Variants in PLS1 observed in about 807,000 individuals in gnomAD.
The protein encoded by PLS1 is plastin-1.
In PLS1, 32 loss-of-function variants were observed where a neutral mutation model predicts 73.7. The observed-to-expected ratio is 0.43, with a 90% CI of 0.33 to 0.58. PLS1 has a LOEUF of 0.58. PLS1 is among the 20% of genes least tolerant of loss of function. The pLI, the probability that PLS1 is intolerant of heterozygous loss-of-function variation, is 0.04. For synonymous variants in PLS1, 217 were observed against 261.3 expected (o/e 0.83, Z 1.63); for missense variants, 633 against 740.5 (o/e 0.85, Z 1.68).
Position 142,643,831 on chromosome 3 carries a change from T to TCA in PLS1, c.-36-20371_-36-20370insCA, listed in dbSNP as rs1439767230. 1.5e-3 allele frequency among the ~76,000 whole-genome samples: 224 copies of TCA among 148,296 alleles called. 2 individuals carry two copies. Among genetic ancestry groups the TCA allele is most frequent in the African/African-American group, 5.4e-3 (218 of 40,224 alleles). On this transcript the variant is annotated intron_variant, in intron 1 of 15. Coordinates refer to ENST00000457734, the MANE Select transcript of PLS1 (RefSeq NM_001145319.2). ...TTGTTAATTTCTTCATTTCATTTTTTTTTTTTTTTTTTTTTGAAATGGAGT... is the reference window on the plus strand; with the variant it reads ...TTGTTAATTTCTTCATTTCATTTTTTCATTTTTTTTTTTTTTTGAAATGGAGT...
chr3:142,685,637 A>ACTT (rs999677223), intron 8 of PLS1, among the ~76,000 whole-genome samples: 2 of 152,172 alleles, frequency 1.3e-5, no homozygotes, highest in African/African-American at 4.8e-5. Flanking sequence ...AGATAGTTGG[A>ACTT]CTTCTTATGT....
chr3:142,660,553 A>C (rs973205206), intron 1 of PLS1, among the ~76,000 whole-genome samples: 1 of 152,144 alleles, frequency 6.6e-6, no homozygotes, highest in Non-Finnish European at 1.5e-5. Context: ...AACGTGGCTC[A>C]CCACCTCTGC....
chr3:142,640,352 T>A (rs1045059535), intron 1 of PLS1, among the ~76,000 whole-genome samples: 2 of 152,200 alleles, frequency 1.3e-5, no homozygotes, highest in Non-Finnish European at 2.9e-5. Context: ...TAAATAATGC[T>A]TTCGACAGTT....
At chr3:142,622,287 C>G (rs2036331486) in intron 1 of PLS1, among the ~76,000 whole-genome samples, 1 of 152,086 alleles carries the variant, frequency 6.6e-6, no homozygotes, top group Non-Finnish European at 1.5e-5. Flanking sequence ...CTAGACTGTA[C>G]CCATTTAAAG....
chr3:142,606,676 C>G (rs1463140487), intron 1 of PLS1, among the ~76,000 whole-genome samples: 2 of 152,152 alleles, frequency 1.3e-5, no homozygotes, highest in African/African-American at 2.4e-5. Context: ...CTTGAAATTT[C>G]AAATAAATGG....
chr3:142,651,630 G>T (rs1484511588), intron 1 of PLS1, among the ~76,000 whole-genome samples: 1 of 152,060 alleles, frequency 6.6e-6, no homozygotes, highest in Non-Finnish European at 1.5e-5. Context: ...CCCAGCTGAT[G>T]GGAGTGTTTC....
intron 11 of PLS1, 99 bp from the exon 12 acceptor site, chr3:142,697,854 A>T: frequency 1.6e-6 from 1 of 642,092 alleles, no homozygotes; most frequent in Middle Eastern, 2.5e-4. Context: ...TAAATGACTT[A>T]TGTTCTTAAA....
At chr3:142,635,892 CTTTG>C (rs949504964) in intron 1 of PLS1, among the ~76,000 whole-genome samples, 9 of 151,892 alleles carry the variant, frequency 5.9e-5, no homozygotes, top group African/African-American at 1.2e-4. Flanking sequence ...TTGTTTGTTT[CTTTG>C]TTTGTTTTTA....
At chr3:142,677,499 A>C (rs2037747807) in intron 5 of PLS1, among the ~76,000 whole-genome samples, 1 of 152,004 alleles carries the variant, frequency 6.6e-6, no homozygotes, top group Non-Finnish European at 1.5e-5. Flanking sequence ...TACAAAAATT[A>C]GCTGAGAGGT....
intron 4 of PLS1, chr3:142,673,921 T>C (rs891952994): frequency 1.3e-5 from 2 of 152,224 alleles, no homozygotes; most frequent in African/African-American, 4.8e-5. Flanking sequence ...ACACTTGTTT[T>C]TGTCCATTTA....
At chr3:142,637,134 G>A (rs1486899246) in intron 1 of PLS1, among the ~76,000 whole-genome samples, 2 of 152,082 alleles carry the variant, frequency 1.3e-5, no homozygotes, top group African/African-American at 4.8e-5. Flanking sequence ...CAGCTTTTTT[G>A]TAATAACCAA....
At chr3:142,648,184 A>T (rs375590630) in intron 1 of PLS1, among the ~76,000 whole-genome samples, 3 of 152,320 alleles carry the variant, frequency 2.0e-5, no homozygotes, top group East Asian at 1.9e-4. Flanking sequence ...GAAAAAATTC[A>T]TGGTGGAATT....
intron 4 of PLS1, among the ~76,000 whole-genome samples, chr3:142,671,989 T>G (rs1173893203): frequency 6.6e-6 from 1 of 152,192 alleles, no homozygotes; most frequent in African/African-American, 2.4e-5. Flanking sequence ...AACTGTTACC[T>G]TCACTTTTTG....
intron 1 of PLS1, among the ~76,000 whole-genome samples, chr3:142,621,146 T>A (rs1398565511): frequency 2.0e-5 from 3 of 152,172 alleles, no homozygotes; most frequent in Non-Finnish European, 4.4e-5. Flanking sequence ...TTTTTCAGTA[T>A]TTTTTTCCTG....
intron 12 of PLS1, among the ~76,000 whole-genome samples, chr3:142,700,389 C>G (rs1297980380): frequency 6.6e-6 from 1 of 152,070 alleles, no homozygotes; most frequent in Non-Finnish European, 1.5e-5. Flanking sequence ...GTGGCATGAT[C>G]TCGGCTAACT....
intron 12 of PLS1, among the ~76,000 whole-genome samples, chr3:142,703,453 A>T (rs1451886455): frequency 6.6e-6 from 1 of 151,854 alleles, no homozygotes; most frequent in Non-Finnish European, 1.5e-5. Flanking sequence ...CCGCCACCAC[A>T]CCTGGCTAAC....
intron 1 of PLS1, among the ~76,000 whole-genome samples, chr3:142,608,826 C>T (rs2036070063): frequency 6.6e-6 from 1 of 152,204 alleles, no homozygotes; most frequent in African/African-American, 2.4e-5. Flanking sequence ...GCCTGGGGCA[C>T]TAATTCCTGC....
At chr3:142,638,898 C>T (rs1402475918) in intron 1 of PLS1, among the ~76,000 whole-genome samples, 3 of 152,126 alleles carry the variant, frequency 2.0e-5, no homozygotes, top group South Asian at 4.2e-4. Flanking sequence ...TCCACCGCCA[C>T]GCCTGGCTAA....
intron 9 of PLS1, among the ~76,000 whole-genome samples, chr3:142,686,630 T>G (rs2107899135): frequency 6.6e-6 from 1 of 152,276 alleles, no homozygotes; most frequent in South Asian, 2.1e-4. Context: ...ACTATGAATT[T>G]GAATTTCAGT....
Sources: gnomAD v4.1 joint callset for allele counts (sites outside exome capture counted in the v4.1 genomes callset) on GRCh38, gnomAD v4.1.1 for gene constraint, MANE v1.5 for transcripts, NCBI Gene and HGNC (gene_info 2026-07-23, HGNC 2026-07-21) for gene names.